FMN1: variants seen among roughly 807,000 people sequenced by gnomAD.
FMN1 encodes formin 1, also known as formin-1.
FMN1 carries 110 observed loss-of-function variants against 132.4 expected under a neutral mutation model. The observed-to-expected ratio is 0.83, with a 90% CI of 0.71 to 0.97. The LOEUF (loss-of-function observed/expected upper bound fraction) is 0.97, where lower values mean the gene tolerates loss of function less well. Ranked by LOEUF, FMN1 falls within the 50% of genes least tolerant of loss-of-function variation. The pLI, the probability that FMN1 is intolerant of heterozygous loss-of-function variation, is 0.00. For missense variants in FMN1, 1,792 were observed against 1,705.3 expected (o/e 1.05, Z -0.90); for synonymous variants, 722 against 651.7 (o/e 1.11, Z -1.64).
At chr15:33,084,854 C>A (rs1361907418) in intron 5 of FMN1, among the ~76,000 whole-genome samples, 1 of 152,192 alleles carries the variant, frequency 6.6e-6, no homozygotes, top group African/African-American at 2.4e-5. Context: ...CCAACTCCCA[C>A]CAATTATTTC....
At position 32,880,888 on chromosome 15, in the gene FMN1, G is replaced by A. The variant is rs534480100; in HGVS notation, c.3835+7284C>T. Among the ~76,000 whole-genome samples, 9 of 152,204 alleles carry A rather than the reference G, an allele frequency of 5.9e-5. No individual in the cohort carries two copies. In the South Asian group the frequency reaches 1.9e-3, roughly 32 times the overall value. ...GTCCTAAGTATTCTGAAATGTTCTA[G>A]TAATAGTATAAATCTGTTTTACTTC... is the stretch of plus-strand genomic sequence containing the variant. On this transcript the variant is annotated intron_variant, in intron 16 of 20. Transcript: ENST00000616417.
At chr15:33,048,594 C>T (rs866879249) in intron 6 of FMN1, among the ~76,000 whole-genome samples, 6 of 126,468 alleles carry the variant, frequency 4.7e-5, no homozygotes, top group South Asian at 4.7e-4. Flanking sequence ...TGTTTTCATG[C>T]TGCTGATAAA....
intron 7 of FMN1, among the ~76,000 whole-genome samples, chr15:32,992,956 G>A (rs2033530598): frequency 6.6e-6 from 1 of 152,150 alleles, no homozygotes; most frequent in African/African-American, 2.4e-5. Flanking sequence ...TTGCCTGAAA[G>A]ATGAAACATT....
chr15:33,128,872 T>G (rs1297078901), intron 4 of FMN1, among the ~76,000 whole-genome samples: 1 of 152,240 alleles, frequency 6.6e-6, no homozygotes, highest in East Asian at 1.9e-4. Context: ...GAGGCCTGCG[T>G]GCGTGGCCAG....
chr15:33,012,908 A>G (rs1186801136), intron 6 of FMN1: 2 of 550,604 alleles, frequency 3.6e-6, no homozygotes, highest in African/African-American at 1.9e-5. Flanking sequence ...GATTTTGGCA[A>G]TTAAAACCAC....
At chr15:33,084,657 T>A (rs1226016228) in intron 5 of FMN1, among the ~76,000 whole-genome samples, 1 of 152,166 alleles carries the variant, frequency 6.6e-6, no homozygotes, top group Non-Finnish European at 1.5e-5. Context: ...TTTCATTTAG[T>A]TTGTTAAATA....
At chr15:32,954,150 T>C (rs1188345126) in intron 9 of FMN1, among the ~76,000 whole-genome samples, 1 of 152,206 alleles carries the variant, frequency 6.6e-6, no homozygotes. Flanking sequence ...TTCTCTATCA[T>C]ATTTCCAGTA....
chr15:33,009,625 A>T (rs952290819), intron 6 of FMN1, among the ~76,000 whole-genome samples: 2 of 152,234 alleles, frequency 1.3e-5, no homozygotes. Flanking sequence ...TATATCAGGC[A>T]TTATTCTAAG....
intron 12 of FMN1, among the ~76,000 whole-genome samples, chr15:32,907,944 C>T (rs1410215309): frequency 1.3e-5 from 2 of 152,018 alleles, no homozygotes; most frequent in Non-Finnish European, 2.9e-5. Context: ...GGAACGGCAT[C>T]ACAAACAACA....
rs546162784 is a variant in FMN1, at chr15:33,088,043, C to T, written c.2043+756G>A. ...AAAGGCATCAGAATGATACAATGGA[C>T]TTTGGGGACTTGAGGGAAAGGGTTG... On this transcript the variant is annotated intron_variant, in intron 5 of 20. Coordinates refer to ENST00000616417, the MANE Select transcript of FMN1 (RefSeq NM_001277313.2). 9.7e-4 allele frequency among the ~76,000 whole-genome samples: 147 copies of T among 152,090 alleles called. No individual in the cohort carries two copies. The Middle Eastern group carries it at 0.034, about 35-fold the overall frequency.
At chr15:32,985,128 T>G (rs1025611723) in intron 7 of FMN1, among the ~76,000 whole-genome samples, 8 of 152,162 alleles carry the variant, frequency 5.3e-5, no homozygotes, top group African/African-American at 1.9e-4. Flanking sequence ...CCATACGCTC[T>G]GTGTAATTTC....
At chr15:33,037,498 C>A (rs1056469757) in intron 6 of FMN1, among the ~76,000 whole-genome samples, 2 of 152,106 alleles carry the variant, frequency 1.3e-5, no homozygotes, top group South Asian at 2.1e-4. Flanking sequence ...GGAGCAGGCT[C>A]ATATATGAGG....
chr15:33,131,420 G>A (rs745410010), intron 4 of FMN1, among the ~76,000 whole-genome samples: 3 of 150,936 alleles, frequency 2.0e-5, no homozygotes, highest in Non-Finnish European at 4.4e-5. Flanking sequence ...CTCTCTTTCT[G>A]AACAAGTAAA....
chr15:32,903,962 T>A (rs2060358767), intron 12 of FMN1, among the ~76,000 whole-genome samples: 1 of 152,186 alleles, frequency 6.6e-6, no homozygotes, highest in Non-Finnish European at 1.5e-5. Flanking sequence ...TAATTTTACA[T>A]TACTTTTGGA....
At chr15:33,019,164 G>A (rs1018904788) in intron 6 of FMN1, among the ~76,000 whole-genome samples, 5 of 152,146 alleles carry the variant, frequency 3.3e-5, no homozygotes, top group East Asian at 1.9e-4. Context: ...GAGCTGATTG[G>A]TCTGTTTTGA....
intron 5 of FMN1, chr15:33,067,194 T>G: frequency 6.2e-7 from 1 of 1,613,732 alleles, no homozygotes; most frequent in East Asian, 2.2e-5. Flanking sequence ...TGGTCCTGGC[T>G]GGGGCGACGC....
chr15:32,848,508 A>G (rs1031471905), intron 17 of FMN1, among the ~76,000 whole-genome samples: 10 of 152,210 alleles, frequency 6.6e-5, no homozygotes, highest in African/African-American at 1.9e-4. Context: ...TAGCTCATAG[A>G]TCTTGCTTGA....
intron 12 of FMN1, among the ~76,000 whole-genome samples, chr15:32,902,496 AAT>A (rs1285372657): frequency 1.3e-5 from 2 of 152,238 alleles, no homozygotes; most frequent in African/African-American, 4.8e-5. Flanking sequence ...TTTAAAAAAA[AAT>A]CTCTTACTAA....
At chr15:33,113,699 G>A (rs1052777533) in intron 4 of FMN1, among the ~76,000 whole-genome samples, 27 of 152,170 alleles carry the variant, frequency 1.8e-4, no homozygotes, top group African/African-American at 6.0e-4. Context: ...CTTCTAGACA[G>A]GGGCCCCACG....
Sources: allele counts gnomAD v4.1 joint callset (sites outside exome capture counted in the v4.1 genomes callset), GRCh38; gene constraint gnomAD v4.1.1; transcripts MANE v1.5; gene names NCBI Gene and HGNC (gene_info 2026-07-23, HGNC 2026-07-21).